The following TARBP2 variants were observed in gnomAD, a reference collection of about 807,000 sequenced individuals.
The protein encoded by TARBP2 is RISC-loading complex subunit TARBP2.
TARBP2 carries 23 observed loss-of-function variants against 40.4 expected under a neutral mutation model. The ratio of observed to expected loss-of-function variants is 0.57; its 90% CI spans 0.41 to 0.81. TARBP2 has a LOEUF of 0.81. Ranked by LOEUF, TARBP2 falls within the 30% of genes least tolerant of loss-of-function variation. The probability of loss-of-function intolerance (pLI) is 0.00; values close to 1 mark genes in which losing one functional copy is unlikely to be tolerated. For missense variants in TARBP2, 358 were observed against 473.7 expected, an observed-to-expected ratio of 0.76 and a Z score of 2.27; for synonymous variants, 183 against 190.5, an observed-to-expected ratio of 0.96 and a Z score of 0.32.
In TARBP2 at chr12:53,504,767, C is replaced by T. The variant is rs1340168203; in HGVS notation, c.565C>T (p.Arg189Cys). 2 of 1,614,118 alleles carry T rather than the reference C, an allele frequency of 1.2e-6. No homozygotes were observed. Among genetic ancestry groups the T allele is most frequent in the Non-Finnish European group, 1.7e-6 (2 of 1,180,022 alleles). ...TVTQESGPAHRKEFTMTCRVE... is the reference protein window; with the variant it reads ...TVTQESGPAHCKEFTMTCRVE... ...GACCCAGGAGTCTGGGCCAGCCCAC[C>T]GCAAAGAATTCACCATGACCTGTCG... The change falls in exon 6 of 9, where the codon CGC becomes TGC. Residue 189 changes from arginine to cysteine, a missense_variant. Around this residue, in one of 3 missense-constraint regions of TARBP2, gnomAD observed 317 missense variants for 422.9 expected, o/e 0.75. Coordinates refer to ENST00000266987, the MANE Select transcript of TARBP2 (RefSeq NM_134323.2).
At chr12:53,503,272 G>T (rs947871934) in intron 3 of TARBP2, 143 bp downstream of exon 3, 2 of 1,403,276 alleles carry the variant, frequency 1.4e-6, no homozygotes, top group Non-Finnish European at 1.9e-6. Context: ...CCTGAACAGG[G>T]TTTTCCAGGG....
chr12:53,506,171 G>A lies in TARBP2; in HGVS notation c.*23G>A. On this transcript the variant is annotated 3_prime_UTR_variant, in exon 9 of 9. Transcript: ENST00000266987. ...TGAAGCCCCAGCTGGACTCATGGAT[G>A]TGCACCCTTTGCTCCCTGCTCTTTC... 6.2e-7 allele frequency: 1 copy of A among 1,610,088 alleles called. No homozygotes were observed. Among genetic ancestry groups the A allele is most frequent in the Non-Finnish European group, 8.5e-7 (1 of 1,177,832 alleles).
chr12:53,502,980 C>T (rs1943787275), intron 2 of TARBP2, 47 bp from the exon 3 acceptor site: 3 of 1,514,018 alleles, frequency 2.0e-6, no homozygotes, highest in African/African-American at 1.4e-5. Context: ...TGGTTTCTTT[C>T]CCGTCCTTTC....
In TARBP2 at chr12:53,505,250, C is replaced by T. The variant is rs1333420845; in HGVS notation, c.729C>T (p.Asp243=). ...RDGNEVEPDD[D]HFSIGVGSRL... ...GCAATGAGGTGGAGCCTGATGATGA[C>T]CACTTCTCCATTGTGAGTGGCTCAT... Residue 243 remains aspartate, a synonymous_variant, in exon 7 of 9, where the codon GAC becomes GAT. Coordinates refer to ENST00000266987, the MANE Select transcript of TARBP2 (RefSeq NM_134323.2). The surrounding 1 kb of genome is among the most constrained non-coding windows in gnomAD (Gnocchi z 4.5). 1 of 1,598,856 alleles carries T rather than the reference C, an allele frequency of 6.3e-7. No homozygotes were observed. Among genetic ancestry groups the T allele is most frequent in the South Asian group, 1.1e-5 (1 of 90,442 alleles).
chr12:53,505,282 C>T lies in TARBP2; in HGVS notation c.741+20C>T, dbSNP rs760604579. The T allele has an allele frequency of 2.4e-5, 37 of 1,570,820 alleles. No individual in the cohort carries two copies. The highest frequency in any genetic ancestry group is 8.1e-5 in the African/African-American group (6 of 74,116). On this transcript the variant is annotated intron_variant, in intron 7 of 8. Coordinates refer to ENST00000266987, the MANE Select transcript of TARBP2 (RefSeq NM_134323.2). This position sits in a 1 kb window ranked among gnomAD's most constrained non-coding sequence, Gnocchi z 4.5. ...TCCATTGTGAGTGGCTCATGTGGGC[C>T]GGGCACCGTGGCCCATCCTCCATGC...
At position 53,505,825 on chromosome 12, in the gene TARBP2, C is replaced by T. The variant is rs1565902388; in HGVS notation, c.918C>T (p.Ala306=). The part of the protein sequence containing the change: ...RVLSELSEEQ[A]FHVSYLDIEE... ...TCAGTGAGCTCTCTGAGGAGCAGGC[C>T]TTTCACGTCAGCTACCTGGATATTG... Residue 306 remains alanine (A), a synonymous_variant, in exon 8 of 9, where the codon GCC becomes GCT. Transcript: ENST00000266987. The surrounding 1 kb of genome is among the most constrained non-coding windows in gnomAD (Gnocchi z 4.5). The T allele has an allele frequency of 6.2e-7, 1 of 1,613,910 alleles. No homozygotes were observed. The highest frequency in any genetic ancestry group is 1.7e-5 in the Admixed American group (1 of 60,002).
chr12:53,505,710 T>C lies in TARBP2; in HGVS notation c.803T>C (p.Leu268Pro). ...GGCCCAGGTTGCACCTGGGATTCTC[T>C]ACGAAATTCAGTAGGAGAGAAGATC... ...NRGPGCTWDS[L>P]RNSVGEKILS... Residue 268 changes from leucine to proline, a missense_variant, in exon 8 of 9, where the codon CTA (leucine) becomes CCA (proline). Physicochemically the swap from Leu to Pro is moderately conservative, Grantham distance 98. Around this residue, in one of 3 missense-constraint regions of TARBP2, gnomAD observed 317 missense variants for 422.9 expected, o/e 0.75. Transcript: ENST00000266987. This position sits in a 1 kb window ranked among gnomAD's most constrained non-coding sequence, Gnocchi z 4.5. 6.2e-7 allele frequency: 1 copy of C among 1,614,126 alleles called. No individual in the cohort carries two copies. Among genetic ancestry groups the C allele is most frequent in the Non-Finnish European group, 8.5e-7 (1 of 1,180,004 alleles).
rs762662765 is a variant in TARBP2 at position 53,505,723 on chromosome 12, A to G, written c.816A>G (p.Val272=). The change falls in exon 8 of 9, where the codon GTA becomes GTG. Residue 272 remains valine, a synonymous_variant. Transcript: ENST00000266987. This position sits in a 1 kb window ranked among gnomAD's most constrained non-coding sequence, Gnocchi z 4.5. The part of the protein sequence containing the change: ...GCTWDSLRNS[V]GEKILSLRSC... Reference sequence around the variant, plus strand: ...CCTGGGATTCTCTACGAAATTCAGTAGGAGAGAAGATCCTGTCCCTCCGCA... The same window carrying G: ...CCTGGGATTCTCTACGAAATTCAGTGGGAGAGAAGATCCTGTCCCTCCGCA... 5 of 1,614,048 alleles carry G rather than the reference A, an allele frequency of 3.1e-6. No individual in the cohort carries two copies. In the South Asian group the frequency reaches 5.5e-5, roughly 18 times the overall value.
intron 4 of TARBP2, 162 bp from the exon 5 acceptor site, chr12:53,504,235 A>G (rs1025088610): frequency 7.6e-6 from 5 of 655,420 alleles, no homozygotes; most frequent in Non-Finnish European, 2.5e-6. Context: ...GAAGCCGGCT[A>G]GAGCAGGAGG....
intron 3 of TARBP2, 48 bp downstream of exon 3, chr12:53,503,177 C>A: frequency 6.7e-7 from 1 of 1,501,810 alleles, no homozygotes; most frequent in Non-Finnish European, 8.9e-7. Context: ...GGAACCCAGG[C>A]CCTGCACCAC....
Position 53,506,264 on chromosome 12 carries a change from A to G in TARBP2, c.*116A>G. ...TGGGTGCCATCTCTACCTCTGACAC[A>G]GACTGCCTGCCTTGAAGCTGAGAAG... On this transcript the variant is annotated 3_prime_UTR_variant, in exon 9 of 9. Transcript: ENST00000266987. 6 of 1,329,696 alleles carry G rather than the reference A, an allele frequency of 4.5e-6. No individual in the cohort carries two copies. The South Asian group carries it at 8.7e-5, about 19-fold the overall frequency. 82.4% of individuals were successfully genotyped at this position (1,329,696 alleles called of 1,614,324 possible).
intron 2 of TARBP2, chr12:53,502,589 C>T (rs1401116042): frequency 8.8e-6 from 2 of 226,168 alleles, no homozygotes; most frequent in South Asian, 6.0e-5. Context: ...CCCGACTCCT[C>T]CCCCCGCCCG....
rs746713420 is a variant in TARBP2 at position 53,502,183 on chromosome 12, T to C, written c.222T>C (p.Thr74=). Residue 74 remains threonine (T), a splice_region_variant and synonymous_variant, in exon 2 of 9, where the codon ACT becomes ACC. Coordinates refer to ENST00000266987, the MANE Select transcript of TARBP2 (RefSeq NM_134323.2). ...TCACCGTTGGCGACACCAGCTGCACTGGTGAGGAAGGCTTGGGCAGCCTGG... is the reference window on the plus strand; with the variant it reads ...TCACCGTTGGCGACACCAGCTGCACCGGTGAGGAAGGCTTGGGCAGCCTGG... ...FRVTVGDTSC[T]GQGPSKKAAK... 1.5e-5 allele frequency: 25 copies of C among 1,614,040 alleles called. No homozygotes were observed. The highest frequency in any genetic ancestry group is 1.9e-5 in the Non-Finnish European group (23 of 1,180,032).
At position 53,501,422 on chromosome 12, in the gene TARBP2, A is replaced by C. The variant is rs775401324; in HGVS notation, c.14A>C (p.Glu5Ala). Reference protein sequence around the residue: MSEEEQGSGTTTGCG... With the variant: MSEEAQGSGTTTGCG... The stretch of plus-strand genomic sequence containing the variant: ...ACGGAGGAGGGAATGAGTGAAGAGG[A>C]GCAAGGCTCCGGCACTACCACGGGC... Residue 5 changes from glutamate (E) to alanine (A), a missense_variant, in exon 1 of 9, where the codon GAG becomes GCG. Glu to Ala is a moderately radical substitution (Grantham distance 107). Around this residue, in one of 3 missense-constraint regions of TARBP2, gnomAD observed 32 missense variants for 21.6 expected, o/e 1.48. Transcript: ENST00000266987. The C allele has an allele frequency of 3.2e-6, 5 of 1,567,194 alleles. No individual in the cohort carries two copies. Among genetic ancestry groups the C allele is most frequent in the Non-Finnish European group, 4.3e-6 (5 of 1,155,932 alleles).
chr12:53,504,696 A>G lies in TARBP2; in HGVS notation c.496-2A>G. 4 of 1,614,038 alleles carry G rather than the reference A, an allele frequency of 2.5e-6. No homozygotes were observed. Among genetic ancestry groups the G allele is most frequent in the Non-Finnish European group, 3.4e-6 (4 of 1,180,018 alleles). Reference sequence around the variant, plus strand: ...TCATGCACCCTGTGTCTCCCTTCCAAGGAGCTGGTGGTGCAGAAAGGCTGG... The same window carrying G: ...TCATGCACCCTGTGTCTCCCTTCCAGGGAGCTGGTGGTGCAGAAAGGCTGG... On this transcript the variant is annotated splice_acceptor_variant, in intron 5 of 8. Coordinates refer to ENST00000266987, the MANE Select transcript of TARBP2 (RefSeq NM_134323.2). LOFTEE classifies it high-confidence loss of function.
In TARBP2 at chr12:53,506,002, C is replaced by T. The variant is rs568264666; in HGVS notation, c.955C>T (p.Leu319=). 20 of 1,613,964 alleles carry T rather than the reference C, an allele frequency of 1.2e-5. No homozygotes were observed. The South Asian group carries it at 2.1e-4, about 17-fold the overall frequency. ...CTCTTGCTCTCCAGAGGAGCTGAGC[C>T]TGAGTGGACTCTGCCAGTGCCTGGT... is the stretch of plus-strand genomic sequence containing the variant. The part of the protein sequence containing the change: ...VSYLDIEELS[L]SGLCQCLVEL... The change falls in exon 9 of 9, where the codon CTG becomes TTG. Residue 319 remains leucine (L), a synonymous_variant. Coordinates refer to ENST00000266987, the MANE Select transcript of TARBP2 (RefSeq NM_134323.2).
chr12:53,501,264 G>A (rs781057449), upstream of TARBP2: 134 of 802,574 alleles, frequency 1.7e-4, no homozygotes, highest in Non-Finnish European at 3.4e-5. Flanking sequence ...AGTAGGGTGG[G>A]CGGGGGACTC....
Position 53,503,809 on chromosome 12 carries a change from G to T in TARBP2, c.422+1G>T, listed in dbSNP as rs1943832306. The T allele has an allele frequency of 6.2e-7, 1 of 1,613,528 alleles. No individual in the cohort carries two copies. On this transcript the variant is annotated splice_donor_variant, in intron 4 of 8. Coordinates refer to ENST00000266987, the MANE Select transcript of TARBP2 (RefSeq NM_134323.2). LOFTEE classifies it high-confidence loss of function. ...CAGTTCCATCTGTAGTCCTAACCAGGTATCTGTGTCCCCTGACTGCCTGAG... is the reference window on the plus strand; with the variant it reads ...CAGTTCCATCTGTAGTCCTAACCAGTTATCTGTGTCCCCTGACTGCCTGAG...
At chr12:53,504,663 A>G (rs1183186313) in intron 5 of TARBP2, 35 bp from the exon 6 acceptor site, 2 of 1,613,406 alleles carry the variant, frequency 1.2e-6, no homozygotes, top group Non-Finnish European at 1.7e-6. Context: ...GCCTTTTTTC[A>G]CTCAGCCTCA....
Sources: gnomAD v4.1 joint callset for allele counts on GRCh38, gnomAD v4.1.1 for gene constraint, gnomAD v4.1.1 regional missense constraint, Gnocchi (gnomAD v3.1) non-coding constraint, MANE v1.5 for transcripts, NCBI Gene and HGNC (gene_info 2026-07-23, HGNC 2026-07-21) for gene names.